RAD54B: variants seen among roughly 807,000 people sequenced by gnomAD.
The protein encoded by RAD54B is RAD54 homolog B, also known as DNA repair and recombination protein RAD54B.
A neutral mutation model predicts 95.8 loss-of-function variants in RAD54B; 78 were observed. The ratio of observed to expected loss-of-function variants is 0.81; its 90% CI spans 0.68 to 0.98. RAD54B has a LOEUF of 0.98. RAD54B is among the 50% of genes least tolerant of loss of function. The pLI is 0.00. For synonymous variants in RAD54B, 328 were observed against 354.9 expected, an observed-to-expected ratio of 0.92 and a Z score of 0.85; for missense variants, 957 against 1,056.6, an observed-to-expected ratio of 0.91 and a Z score of 1.31.
At position 94,374,430 on chromosome 8, in the gene RAD54B, A is replaced by G. The variant is rs116387330; in HGVS notation, c.2516-2043T>C. 4.3e-3 allele frequency among the ~76,000 whole-genome samples: 658 copies of G among 152,304 alleles called. 7 individuals are homozygous for G. Among genetic ancestry groups the G allele is most frequent in the African/African-American group, 0.015 (641 of 41,570 alleles). On this transcript the variant is annotated intron_variant, in intron 14 of 14. Transcript: ENST00000336148. The stretch of plus-strand genomic sequence containing the variant: ...AAAAAATGAAAAGACAGTAGAAATA[A>G]ATAAAAATACCTTAATAATGATAAA...
rs757342587 is a variant in RAD54B at position 94,372,187 on chromosome 8, G to A, written c.2716C>T (p.Gln906Ter). ...ATCTTTCACTATGTGCCAGTAGCTT[G>A]AGTGGTTATATTCTGAAAAATGAAT... ...VSFIFQNITT[Q>*]ATGT The change falls in exon 15 of 15, where the codon CAA becomes TAA. Residue 906 changes from glutamine to a stop codon, truncating the protein, a stop_gained. Transcript: ENST00000336148. LOFTEE classifies it high-confidence loss of function. 2 of 1,607,348 alleles carry A rather than the reference G, an allele frequency of 1.2e-6. No individual in the cohort carries two copies. The highest frequency in any genetic ancestry group is 1.7e-6 in the Non-Finnish European group (2 of 1,178,212).
At chr8:94,430,318 A>AG in intron 3 of RAD54B, 1 of 977,602 alleles carries the variant, frequency 1.0e-6, no homozygotes, top group Non-Finnish European at 1.2e-6. Context: ...CTCAAAAAAA[A>AG]AAAAAAAAAG....
At chr8:94,428,978 C>T in intron 3 of RAD54B, 3 of 982,492 alleles carry the variant, frequency 3.1e-6, no homozygotes, top group Non-Finnish European at 3.6e-6. Flanking sequence ...TTCTCATAAA[C>T]TATACTATGT....
At chr8:94,419,040 G>T (rs1049249821) in intron 3 of RAD54B, among the ~76,000 whole-genome samples, 1 of 151,606 alleles carries the variant, frequency 6.6e-6, no homozygotes, top group African/African-American at 2.4e-5. Flanking sequence ...CTTAAAGAAG[G>T]TACCTGAGAA....
chr8:94,419,247 C>T (rs922212423), intron 3 of RAD54B, among the ~76,000 whole-genome samples: 3 of 152,132 alleles, frequency 2.0e-5, no homozygotes, highest in Non-Finnish European at 4.4e-5. Flanking sequence ...TGGTGGCTCA[C>T]GCCTGTAATC....
chr8:94,395,460 C>A lies in RAD54B; in HGVS notation c.1379-1578G>T, dbSNP rs75873512. On this transcript the variant is annotated intron_variant, in intron 8 of 14. Coordinates refer to ENST00000336148, the MANE Select transcript of RAD54B (RefSeq NM_012415.3). The stretch of plus-strand genomic sequence containing the variant: ...AAGGGAGCTGCCATTTGCTGCTTAC[C>A]CCTAAATCAGTCAGTCGTTGATTGC... 9.0e-3 allele frequency among the ~76,000 whole-genome samples: 1,370 copies of A among 152,198 alleles called. 19 individuals carry two copies. Among genetic ancestry groups the A allele is most frequent in the African/African-American group, 0.031 (1,287 of 41,538 alleles).
At chr8:94,426,045 C>A (rs1811934544) in intron 3 of RAD54B, among the ~76,000 whole-genome samples, 2 of 152,070 alleles carry the variant, frequency 1.3e-5, no homozygotes, top group South Asian at 4.1e-4. Flanking sequence ...CTCTGCCTCC[C>A]AGATTCAAGC....
intron 5 of RAD54B, among the ~76,000 whole-genome samples, chr8:94,406,914 CT>C (rs920214015): frequency 1.3e-4 from 20 of 151,278 alleles, no homozygotes; most frequent in South Asian, 2.1e-4. Flanking sequence ...ATCTAGGTTT[CT>C]TTTTTTTTAA....
intron 3 of RAD54B, 88 bp from the exon 4 acceptor site, chr8:94,411,403 A>G (rs1176196692): frequency 2.1e-6 from 2 of 962,720 alleles, no homozygotes; most frequent in East Asian, 5.5e-5. Context: ...AAGGCACAAG[A>G]AAATTAGATT....
intron 2 of RAD54B, among the ~76,000 whole-genome samples, chr8:94,463,109 G>A (rs997308392): frequency 5.9e-5 from 9 of 151,990 alleles, no homozygotes; most frequent in African/African-American, 2.2e-4. Flanking sequence ...CCAGGAGGCA[G>A]AGGTTGCAGT....
rs186784797 is a variant in RAD54B, at chr8:94,419,672, G to A, written c.305-8357C>T. Among the ~76,000 whole-genome samples, 530 of 150,194 alleles carry A rather than the reference G, an allele frequency of 3.5e-3. 3 individuals carry two copies. Among genetic ancestry groups the A allele is most frequent in the Middle Eastern group, 0.024 (7 of 294 alleles). ...CTTTAATAGGAGGTACTAAGTTACG[G>A]GGCTGTTACAATATTTTAAATAAAC... On this transcript the variant is annotated intron_variant, in intron 3 of 14. Transcript: ENST00000336148.
At chr8:94,416,379 G>T (rs980933957) in intron 3 of RAD54B, among the ~76,000 whole-genome samples, 2 of 151,942 alleles carry the variant, frequency 1.3e-5, no homozygotes, top group Admixed American at 6.6e-5. Context: ...GGTGGGGCGA[G>T]GGGGGAGGGA....
At chr8:94,429,075 T>G (rs370707066) in intron 3 of RAD54B, 3 of 985,182 alleles carry the variant, frequency 3.0e-6, no homozygotes, top group Middle Eastern at 5.2e-4. Flanking sequence ...CAAGACTGAC[T>G]TGGAGAAAAA....
chr8:94,381,837 G>C (rs1810747840), intron 11 of RAD54B, among the ~76,000 whole-genome samples: 6 of 152,134 alleles, frequency 3.9e-5, no homozygotes, highest in Admixed American at 2.0e-4. Flanking sequence ...AGAAAGGCCG[G>C]GCGCGGTGGC....
chr8:94,390,904 A>G (rs1051051048), intron 10 of RAD54B, among the ~76,000 whole-genome samples: 8 of 152,128 alleles, frequency 5.3e-5, no homozygotes, highest in Non-Finnish European at 8.8e-5. Flanking sequence ...GTAATTTTAT[A>G]CAGTATTTTT....
intron 10 of RAD54B, among the ~76,000 whole-genome samples, chr8:94,387,928 T>C (rs543077799): frequency 5.3e-5 from 8 of 152,334 alleles, no homozygotes; most frequent in African/African-American, 1.7e-4. Context: ...TTTATCACTG[T>C]TTTTGAAACT....
intron 3 of RAD54B, chr8:94,428,372 C>T (rs1432209271): frequency 1.0e-6 from 1 of 961,384 alleles, no homozygotes; most frequent in Non-Finnish European, 1.2e-6. Context: ...CCCTCAGTAT[C>T]CAAGGGGGAT....
At chr8:94,383,467 G>A (rs756508096) in intron 11 of RAD54B, among the ~76,000 whole-genome samples, 5 of 152,130 alleles carry the variant, frequency 3.3e-5, no homozygotes, top group South Asian at 2.1e-4. Context: ...AGTTACCTGC[G>A]GTCAACCTCG....
At chr8:94,375,236 GA>G (rs1247113600) in intron 14 of RAD54B, among the ~76,000 whole-genome samples, 1 of 152,176 alleles carries the variant, frequency 6.6e-6, no homozygotes, top group Non-Finnish European at 1.5e-5. Flanking sequence ...ACACTTATGG[GA>G]AATAACCTAA....
Sources: gnomAD v4.1 joint callset for allele counts (sites outside exome capture counted in the v4.1 genomes callset) on GRCh38, gnomAD v4.1.1 for gene constraint, MANE v1.5 for transcripts, NCBI Gene and HGNC (gene_info 2026-07-23, HGNC 2026-07-21) for gene names.